PCOLCE2: variants seen among roughly 807,000 people sequenced by gnomAD.
The protein encoded by PCOLCE2 is procollagen C-proteinase enhancer 2.
A neutral mutation model predicts 47.0 loss-of-function variants in PCOLCE2; 42 were observed. That is an observed-to-expected ratio of 0.89 (90% CI 0.70 to 1.16). The LOEUF (loss-of-function observed/expected upper bound fraction) is 1.16, where lower values mean the gene tolerates loss of function less well. Ranked by LOEUF, PCOLCE2 falls within the 50% of genes most tolerant of loss-of-function variation. The probability of loss-of-function intolerance (pLI) is 0.00; values close to 1 mark genes in which losing one functional copy is unlikely to be tolerated. For missense variants in PCOLCE2, 500 were observed against 526.1 expected (o/e 0.95, Z 0.49); for synonymous variants, 169 against 191.7 (o/e 0.88, Z 0.98).
At chr3:142,859,916 G>A (rs927694796) in intron 2 of PCOLCE2, among the ~76,000 whole-genome samples, 1 of 152,204 alleles carries the variant, frequency 6.6e-6, no homozygotes, top group African/African-American at 2.4e-5. Context: ...TCAGAGTAAA[G>A]AAGAAAGCAC....
intron 2 of PCOLCE2, among the ~76,000 whole-genome samples, chr3:142,862,406 TTTC>T (rs1281609575): frequency 6.6e-6 from 1 of 152,230 alleles, no homozygotes; most frequent in Non-Finnish European, 1.5e-5. Flanking sequence ...GACCATCTGC[TTTC>T]TTATCTTCCA....
At chr3:142,818,813 G>A (rs186881697) in intron 8 of PCOLCE2, among the ~76,000 whole-genome samples, 35 of 152,318 alleles carry the variant, frequency 2.3e-4, no homozygotes, top group Non-Finnish European at 4.0e-4. Flanking sequence ...TTTCAGCTAC[G>A]CTAACACCAG....
At chr3:142,847,736 C>A (rs1431053632) in intron 3 of PCOLCE2, among the ~76,000 whole-genome samples, 1 of 150,968 alleles carries the variant, frequency 6.6e-6, no homozygotes, top group Non-Finnish European at 1.5e-5. Context: ...GGGGTTTCAC[C>A]ATTTTGCCCA....
In PCOLCE2 at chr3:142,848,099, T is replaced by C. The variant is rs546506377; in HGVS notation, c.448+118A>G. The C allele has an allele frequency of 5.1e-5, 50 of 979,618 alleles. No individual in the cohort carries two copies. In the African/African-American group the frequency reaches 7.4e-4, roughly 15 times the overall value. 60.7% of individuals were successfully genotyped at this position (979,618 alleles called of 1,614,324 possible). ...TTGTATTGGTCTCATCATGGTTTGA[T>C]GGCATTCACTAGCTCTTTGAGAACC... is the stretch of plus-strand genomic sequence containing the variant. On this transcript the variant is annotated intron_variant, in intron 3 of 8. Transcript: ENST00000295992.
chr3:142,853,998 G>A (rs376904780), intron 2 of PCOLCE2, among the ~76,000 whole-genome samples: 3 of 152,292 alleles, frequency 2.0e-5, no homozygotes, highest in East Asian at 3.9e-4. Context: ...TCTCGATGCC[G>A]GGGCTCCTGC....
rs778339892 is a variant in PCOLCE2 at position 142,820,972 on chromosome 3, G to T, written c.1023C>A (p.Ile341=). The change falls in exon 8 of 9, where the codon ATC becomes ATA. Residue 341 remains isoleucine (I), a synonymous_variant. Transcript: ENST00000295992. ...SLHATVSIIN[I]YKEGNLAIQQ... is the part of the protein sequence containing the mutation. ...GAATCGCCAAATTTCCCTCTTTGTA[G>T]ATGTTGATGATCGAGACTGTGGCGT... 1 of 1,614,050 alleles carries T rather than the reference G, an allele frequency of 6.2e-7. No individual in the cohort carries two copies. The highest frequency in any genetic ancestry group is 2.2e-5 in the East Asian group (1 of 44,882).
intron 2 of PCOLCE2, among the ~76,000 whole-genome samples, chr3:142,851,239 G>A (rs933697686): frequency 6.6e-6 from 1 of 152,206 alleles, no homozygotes; most frequent in Non-Finnish European, 1.5e-5. Context: ...GGAGTACCAG[G>A]ACTGCTGGGG....
At chr3:142,832,636 T>C (rs966068779) in intron 5 of PCOLCE2, among the ~76,000 whole-genome samples, 2 of 152,166 alleles carry the variant, frequency 1.3e-5, no homozygotes, top group Non-Finnish European at 2.9e-5. Flanking sequence ...TTAGCCAATT[T>C]ACTTATCTGC....
chr3:142,854,263 A>G (rs570348839), intron 2 of PCOLCE2, among the ~76,000 whole-genome samples: 1 of 152,240 alleles, frequency 6.6e-6, no homozygotes, highest in Admixed American at 6.5e-5. Context: ...TCTTCCACAA[A>G]CAAACCTTTG....
At chr3:142,869,355 G>T (rs1933340542) in intron 2 of PCOLCE2, among the ~76,000 whole-genome samples, 1 of 151,644 alleles carries the variant, frequency 6.6e-6, no homozygotes, top group African/African-American at 2.4e-5. Flanking sequence ...GTAGCAATAA[G>T]ATATCAACAT....
At chr3:142,838,507 TTCCTGAGTCC>T (rs1937229551) in intron 5 of PCOLCE2, among the ~76,000 whole-genome samples, 1 of 152,122 alleles carries the variant, frequency 6.6e-6, no homozygotes. Flanking sequence ...GATTGTACAT[TTCCTGAGTCC>T]TCCCCAGAAG....
chr3:142,870,527 G>GACC (rs1167716905), intron 2 of PCOLCE2, among the ~76,000 whole-genome samples: 2 of 152,062 alleles, frequency 1.3e-5, no homozygotes, highest in African/African-American at 4.8e-5. Context: ...CAAGCCCTTT[G>GACC]ACCACAGTTC....
chr3:142,883,981 T>A (rs1281574471), intron 2 of PCOLCE2, among the ~76,000 whole-genome samples: 4 of 152,170 alleles, frequency 2.6e-5, no homozygotes, highest in Admixed American at 2.0e-4. Flanking sequence ...TCCCCATGTG[T>A]TTATCACCTC....
At chr3:142,830,363 T>C (rs948847450) in intron 5 of PCOLCE2, among the ~76,000 whole-genome samples, 2 of 152,196 alleles carry the variant, frequency 1.3e-5, no homozygotes, top group African/African-American at 4.8e-5. Context: ...GGTGAACAAA[T>C]TCCCACGCCC....
At position 142,823,536 on chromosome 3, in the gene PCOLCE2, G is replaced by A; in HGVS notation, c.945C>T (p.Asp315=). The A allele has an allele frequency of 6.3e-7, 1 of 1,590,226 alleles. No individual in the cohort carries two copies. Among genetic ancestry groups the A allele is most frequent in the Non-Finnish European group, 8.6e-7 (1 of 1,160,092 alleles). Residue 315 remains aspartate, a synonymous_variant, in exon 7 of 9, where the codon GAC becomes GAT. Transcript: ENST00000295992. ...AGACTGGCTTTTATTTCTTACCAAA[G>A]TCACTTGAACAATAATTGCCCTCCA... The part of the protein sequence containing the change: ...GTLEGNYCSS[D]FVLAGTVITT...
chr3:142,847,933 G>A (rs566608666), intron 3 of PCOLCE2, among the ~76,000 whole-genome samples: 1 of 152,344 alleles, frequency 6.6e-6, no homozygotes, highest in South Asian at 2.1e-4. Context: ...TATTTCTGGA[G>A]AATGGACTAT....
chr3:142,856,317 C>T (rs533100041), intron 2 of PCOLCE2, among the ~76,000 whole-genome samples: 84 of 152,306 alleles, frequency 5.5e-4, no homozygotes, highest in Admixed American at 5.4e-3. Context: ...CCCTCGAGCC[C>T]CTGTTATCAC....
intron 7 of PCOLCE2, 67 bp downstream of exon 7, chr3:142,823,465 C>T: frequency 1.1e-6 from 1 of 927,982 alleles, no homozygotes. Flanking sequence ...ATAGGAATTC[C>T]TTTGAGATTA....
At chr3:142,854,853 T>G (rs1408849417) in intron 2 of PCOLCE2, among the ~76,000 whole-genome samples, 1 of 152,212 alleles carries the variant, frequency 6.6e-6, no homozygotes, top group African/African-American at 2.4e-5. Context: ...AGCAACCCTA[T>G]GAAGTTGATA....
Sources: gnomAD v4.1 joint callset for allele counts (sites outside exome capture counted in the v4.1 genomes callset) on GRCh38, gnomAD v4.1.1 for gene constraint, MANE v1.5 for transcripts, NCBI Gene and HGNC (gene_info 2026-07-23, HGNC 2026-07-21) for gene names.